The following TMEM135 variants were observed in gnomAD, a reference collection of about 807,000 sequenced individuals.
TMEM135 encodes transmembrane protein 135.
TMEM135 carries 30 observed loss-of-function variants against 60.3 expected under a neutral mutation model. That is an observed-to-expected ratio of 0.50 (90% confidence interval 0.37 to 0.68). TMEM135 has a LOEUF of 0.68. Among genes scored for constraint, TMEM135 ranks in the 30% least tolerant of loss-of-function variants. The pLI is 0.00. For synonymous variants in TMEM135, 190 were observed against 186.7 expected (o/e 1.02, Z -0.14); for missense variants, 468 against 548.8 (o/e 0.85, Z 1.47).
At chr11:87,289,780 C>T (rs1157971701) in intron 6 of TMEM135, among the ~76,000 whole-genome samples, 2 of 152,178 alleles carry the variant, frequency 1.3e-5, no homozygotes, top group African/African-American at 4.8e-5. Flanking sequence ...TTACCTTCCC[C>T]CTACTGTTTC....
chr11:87,229,527 G>A (rs1252403029), intron 5 of TMEM135, among the ~76,000 whole-genome samples: 1 of 152,118 alleles, frequency 6.6e-6, no homozygotes, highest in Non-Finnish European at 1.5e-5. Flanking sequence ...GTTGTGGGGA[G>A]TATATATTGG....
intron 3 of TMEM135, among the ~76,000 whole-genome samples, chr11:87,076,404 G>T (rs904002826): frequency 3.9e-5 from 6 of 152,124 alleles, no homozygotes; most frequent in African/African-American, 1.2e-4. Context: ...AGTAAATGCT[G>T]CCAGGCCTGG....
At chr11:87,106,147 A>C (rs1857589877) in intron 4 of TMEM135, among the ~76,000 whole-genome samples, 1 of 151,280 alleles carries the variant, frequency 6.6e-6, no homozygotes, top group African/African-American at 2.4e-5. Flanking sequence ...TCTGTTGCTC[A>C]GGCTGGAGTG....
chr11:87,298,152 G>A (rs137946668), intron 7 of TMEM135, among the ~76,000 whole-genome samples: 5 of 152,126 alleles, frequency 3.3e-5, no homozygotes, highest in Admixed American at 6.5e-5. Flanking sequence ...TAAATTTATA[G>A]CAAGTCAAAA....
chr11:87,226,852 C>A (rs1330210386), intron 5 of TMEM135, among the ~76,000 whole-genome samples: 2 of 152,024 alleles, frequency 1.3e-5, no homozygotes, highest in African/African-American at 4.8e-5. Flanking sequence ...TGAGACCAGC[C>A]TGCCTGGCCA....
At chr11:87,251,447 T>C (rs1941414052) in intron 6 of TMEM135, among the ~76,000 whole-genome samples, 1 of 152,162 alleles carries the variant, frequency 6.6e-6, no homozygotes, top group Admixed American at 6.5e-5. Context: ...ACGAATTACA[T>C]AACTTTGCTA....
chr11:87,041,789 A>G (rs1267495118), intron 1 of TMEM135, among the ~76,000 whole-genome samples: 1 of 152,232 alleles, frequency 6.6e-6, no homozygotes, highest in Non-Finnish European at 1.5e-5. Context: ...GGGAGTGAAG[A>G]CATATTTGGC....
chr11:87,252,771 CA>C (rs1290084551), intron 6 of TMEM135, among the ~76,000 whole-genome samples: 4,722 of 98,236 alleles, frequency 0.048, 197 homozygotes, highest in East Asian at 0.12. Flanking sequence ...AACTAAATCT[CA>C]AAAAAAAAAA....
In TMEM135 at chr11:87,322,604, A is replaced by G. The variant is rs1239693239; in HGVS notation, c.*1271A>G. The G allele has an allele frequency of 6.6e-6, 3 of 453,572 alleles. No homozygotes were observed. The East Asian group carries it at 2.1e-4, about 31-fold the overall frequency. The allele number at this position is 453,572 out of a possible 1,614,324, so 28.1% of individuals were successfully genotyped here. On this transcript the variant is annotated 3_prime_UTR_variant, in exon 15 of 15. Transcript: ENST00000305494. Reference sequence around the variant, plus strand: ...GTAGGGATGATGATATTTTTAAAATACATTTTGTTGCTAAAAAGTTTTTAG... The same window carrying G: ...GTAGGGATGATGATATTTTTAAAATGCATTTTGTTGCTAAAAAGTTTTTAG...
rs200507224 is a variant in TMEM135 at position 87,038,194 on chromosome 11, C to A, written c.141+8C>A. The A allele has an allele frequency of 2.7e-5, 43 of 1,613,978 alleles. No homozygotes were observed. The African/African-American group carries it at 5.7e-4, about 22-fold the overall frequency. On this transcript the variant is annotated splice_region_variant and intron_variant, in intron 1 of 14. Transcript: ENST00000305494. ...TATGCTCCTCTGTACTTGGTGAGAC[C>A]CGTCACCCGTCCCGCAGGGCGAGTT... is the stretch of plus-strand genomic sequence containing the variant.
chr11:87,093,373 C>T (rs950588259), intron 4 of TMEM135, among the ~76,000 whole-genome samples: 6 of 151,962 alleles, frequency 3.9e-5, no homozygotes, highest in African/African-American at 1.2e-4. Flanking sequence ...CCACAATGTC[C>T]GGCTATTTTT....
At chr11:87,238,374 A>G (rs1387644928) in intron 6 of TMEM135, among the ~76,000 whole-genome samples, 9 of 152,034 alleles carry the variant, frequency 5.9e-5, no homozygotes, top group Non-Finnish European at 1.0e-4. Context: ...ATTCTTGTAA[A>G]GAGACAGCCA....
At chr11:87,264,312 C>CT (rs776136582) in intron 6 of TMEM135, among the ~76,000 whole-genome samples, 26 of 147,088 alleles carry the variant, frequency 1.8e-4, no homozygotes, top group South Asian at 4.2e-4. Flanking sequence ...TTTTTCTTTT[C>CT]TTTTTTTTTG....
intron 12 of TMEM135, among the ~76,000 whole-genome samples, chr11:87,315,702 T>C (rs745484685): frequency 6.6e-6 from 1 of 152,012 alleles, no homozygotes; most frequent in African/African-American, 2.4e-5. Flanking sequence ...AAATACGTTG[T>C]TCTGGAAAGT....
chr11:87,322,591 A>C lies in TMEM135; in HGVS notation c.*1258A>C, dbSNP rs913449000. 1 of 453,950 alleles carries C rather than the reference A, an allele frequency of 2.2e-6. No individual in the cohort carries two copies. The highest frequency in any genetic ancestry group is 4.4e-6 in the Non-Finnish European group (1 of 226,710). 28.1% of individuals were successfully genotyped at this position (453,950 alleles called of 1,614,324 possible). A position where few individuals can be genotyped will look rare whatever the true frequency, so the allele number is the denominator to read the frequency against. On this transcript the variant is annotated 3_prime_UTR_variant, in exon 15 of 15. Transcript: ENST00000305494. Reference sequence around the variant, plus strand: ...GTTAATGTGACATGTAGGGATGATGATATTTTTAAAATACATTTTGTTGCT... The same window carrying C: ...GTTAATGTGACATGTAGGGATGATGCTATTTTTAAAATACATTTTGTTGCT...
chr11:87,175,366 C>T (rs2451060), intron 5 of TMEM135, among the ~76,000 whole-genome samples: 56,128 of 151,912 alleles, frequency 0.37, 10,897 homozygotes, highest in East Asian at 0.67. Flanking sequence ...GATGAACAAA[C>T]AGTTTATTTT....
At chr11:87,299,942 G>A (rs1942414247) in intron 7 of TMEM135, among the ~76,000 whole-genome samples, 1 of 152,036 alleles carries the variant, frequency 6.6e-6, no homozygotes, top group Admixed American at 6.6e-5. Flanking sequence ...TTCTGGTGGG[G>A]GCGAGTGGGA....
chr11:87,188,659 G>A (rs559439217), intron 5 of TMEM135, among the ~76,000 whole-genome samples: 36 of 151,042 alleles, frequency 2.4e-4, no homozygotes, highest in East Asian at 1.9e-3. Flanking sequence ...GGCCAGGATC[G>A]CGCCATTGCA....
At chr11:87,130,123 A>T (rs1361189364) in intron 4 of TMEM135, among the ~76,000 whole-genome samples, 1 of 116,520 alleles carries the variant, frequency 8.6e-6, no homozygotes, top group South Asian at 2.6e-4. Flanking sequence ...TACATTTTTA[A>T]AAAAAAAAAA....
Sources: gnomAD v4.1 joint callset for allele counts (sites outside exome capture counted in the v4.1 genomes callset) on GRCh38, gnomAD v4.1.1 for gene constraint, MANE v1.5 for transcripts, NCBI Gene and HGNC (gene_info 2026-07-23, HGNC 2026-07-21) for gene names.